Variants in ALPK3 observed in about 807,000 individuals in gnomAD.
ALPK3 encodes the protein alpha kinase 3.
In ALPK3, 102 loss-of-function variants were observed where a neutral mutation model predicts 140.0. The observed-to-expected ratio is 0.73, with a 90% CI of 0.62 to 0.86. The LOEUF is 0.86. Ranked by LOEUF, ALPK3 falls within the 40% of genes least tolerant of loss-of-function variation. The probability of loss-of-function intolerance (pLI) is 0.00; values close to 1 mark genes in which losing one functional copy is unlikely to be tolerated. For synonymous variants in ALPK3, 938 were observed against 898.5 expected, an observed-to-expected ratio of 1.04 and a Z score of -0.79; for missense variants, 2,254 against 2,208.2, an observed-to-expected ratio of 1.02 and a Z score of -0.42.
chr15:84,840,534 T>C lies in ALPK3; in HGVS notation c.1255T>C (p.Tyr419His). Residue 419 changes from tyrosine to histidine, a missense_variant, in exon 5 of 14, where the codon TAC (tyrosine) becomes CAC (histidine). Transcript: ENST00000258888. ...QEVYFSLKDM[Y>H]LENTQAVRPL... Reference sequence around the variant, plus strand: ...AGTGTATTTCTCCTTGAAGGACATGTACCTGGAGAACACCCAGGCAGTCAG... The same window carrying C: ...AGTGTATTTCTCCTTGAAGGACATGCACCTGGAGAACACCCAGGCAGTCAG... 2.5e-6 allele frequency: 4 copies of C among 1,606,096 alleles called. No individual in the cohort carries two copies. The highest frequency in any genetic ancestry group is 3.4e-6 in the Non-Finnish European group (4 of 1,176,938).
chr15:84,827,228 C>T (rs945424527), intron 2 of ALPK3, among the ~76,000 whole-genome samples: 2 of 152,218 alleles, frequency 1.3e-5, no homozygotes, highest in African/African-American at 2.4e-5. Context: ...GACTGGCATG[C>T]TCAGGAGCCT....
At chr15:84,844,194 C>A (rs1234316086) in intron 5 of ALPK3, among the ~76,000 whole-genome samples, 2 of 152,120 alleles carry the variant, frequency 1.3e-5, no homozygotes, top group Non-Finnish European at 2.9e-5. Context: ...CACCACTGCA[C>A]TCCAGCCTGG....
intron 1 of ALPK3, among the ~76,000 whole-genome samples, chr15:84,821,484 G>C (rs767955823): frequency 1.3e-5 from 2 of 152,206 alleles, no homozygotes; most frequent in Admixed American, 1.3e-4. Context: ...TGAAATTTAT[G>C]GTCAGGAAAG....
chr15:84,840,628 C>T lies in ALPK3; in HGVS notation c.1349C>T (p.Ala450Val). 6.4e-7 allele frequency: 1 copy of T among 1,559,916 alleles called. No individual in the cohort carries two copies. Among genetic ancestry groups the T allele is most frequent in the Non-Finnish European group, 8.7e-7 (1 of 1,155,936 alleles). ...RAPGESPKGK[A>V]PLRARSEGVP... ...CCTGGGGAGAGTCCCAAGGGGAAGG[C>T]ACCCCTCAGGGCTAGAAGCGAGGGG... The change falls in exon 5 of 14, where the codon GCA becomes GTA. Residue 450 changes from alanine (A) to valine (V), a missense_variant. This residue lies in a region of ALPK3 where 2,088 missense variants were observed against 2,022.9 expected (regional missense o/e 1.03). Coordinates refer to ENST00000258888, the MANE Select transcript of ALPK3 (RefSeq NM_020778.5).
Position 84,862,834 on chromosome 15 carries a change from C to T in ALPK3, c.4329C>T (p.Ile1443=). ...EPIFESGRTC[I]IKVSSLLVFG... ...TCTTCGAGTCGGGCCGCACGTGCAT[C>T]ATCAAGGTGTCCAGCCTGCTTGTGT... is the stretch of plus-strand genomic sequence containing the variant. Residue 1443 remains isoleucine (I), a synonymous_variant, in exon 10 of 14, where the codon ATC becomes ATT. Transcript: ENST00000258888. The T allele has an allele frequency of 1.2e-6, 2 of 1,614,148 alleles. No homozygotes were observed. Among genetic ancestry groups the T allele is most frequent in the Non-Finnish European group, 1.7e-6 (2 of 1,180,028 alleles).
intron 1 of ALPK3, 84 bp downstream of exon 1, chr15:84,817,679 G>T: frequency 7.4e-7 from 1 of 1,359,866 alleles, no homozygotes; most frequent in East Asian, 3.1e-5. Context: ...GCCCCTGGAG[G>T]CCTGGGCTGG....
chr15:84,867,874 G>A (rs984128718), intron 13 of ALPK3, among the ~76,000 whole-genome samples: 1 of 152,110 alleles, frequency 6.6e-6, no homozygotes, highest in Non-Finnish European at 1.5e-5. Context: ...GAGCCCAGGA[G>A]TTTGAGACCA....
intron 5 of ALPK3, among the ~76,000 whole-genome samples, chr15:84,846,194 A>C (rs946116437): frequency 2.0e-5 from 3 of 152,258 alleles, no homozygotes; most frequent in Non-Finnish European, 4.4e-5. Context: ...AACTAGGTAG[A>C]TTGCCTTCCA....
At chr15:84,859,523 T>C (rs1168181182) in intron 7 of ALPK3, 133 bp downstream of exon 7, 2 of 1,337,568 alleles carry the variant, frequency 1.5e-6, no homozygotes, top group Non-Finnish European at 2.0e-6. Flanking sequence ...TTTATTCCCA[T>C]AGTAGAGATG....
In ALPK3 at chr15:84,864,548, G is replaced by A. The variant is rs1202059784; in HGVS notation, c.4606G>A (p.Gly1536Ser). 1.9e-6 allele frequency: 3 copies of A among 1,614,206 alleles called. No individual in the cohort carries two copies. The highest frequency in any genetic ancestry group is 2.5e-6 in the Non-Finnish European group (3 of 1,180,048). Residue 1536 changes from glycine to serine, a missense_variant, in exon 12 of 14, where the codon GGC becomes AGC. Physicochemically the swap from Gly to Ser is moderately conservative, Grantham distance 56. Coordinates refer to ENST00000258888, the MANE Select transcript of ALPK3 (RefSeq NM_020778.5). The stretch of plus-strand genomic sequence containing the variant: ...GGAGTCTTACTGTTCTCGGGAATGG[G>A]GCTGTGCTGAGGCTCCGACAGCATC... ...PLESYCSREWGCAEAPTASGS... is the reference protein window; with the variant it reads ...PLESYCSREWSCAEAPTASGS...
At chr15:84,836,836 A>C (rs1963602272) in intron 3 of ALPK3, among the ~76,000 whole-genome samples, 1 of 152,142 alleles carries the variant, frequency 6.6e-6, no homozygotes, top group African/African-American at 2.4e-5. Context: ...GTATGGATAG[A>C]GAATGGAAAA....
Position 84,823,311 on chromosome 15 carries a change from A to G in ALPK3, c.144-19A>G. The G allele has an allele frequency of 6.2e-7, 1 of 1,614,010 alleles. No homozygotes were observed. Among genetic ancestry groups the G allele is most frequent in the Non-Finnish European group, 8.5e-7 (1 of 1,179,988 alleles). On this transcript the variant is annotated intron_variant, in intron 1 of 13. Transcript: ENST00000258888. ...CTTGCTTTTTTGGCCTAATGATTCC[A>G]TTTGCTGTTTTTGCTTAGCTTATCA...
In ALPK3 at chr15:84,856,432, C is replaced by A. The variant is rs1200510897; in HGVS notation, c.1694C>A (p.Ala565Asp). 1.9e-6 allele frequency: 3 copies of A among 1,610,222 alleles called. No individual in the cohort carries two copies. Among genetic ancestry groups the A allele is most frequent in the South Asian group, 2.2e-5 (2 of 90,184 alleles). The change falls in exon 6 of 14, where the codon GCC becomes GAC. Residue 565 changes from alanine to aspartate, a missense_variant. By Grantham distance (126) the Ala-to-Asp change is moderately radical. This residue lies in a region of ALPK3 where 2,088 missense variants were observed against 2,022.9 expected (regional missense o/e 1.03). Coordinates refer to ENST00000258888, the MANE Select transcript of ALPK3 (RefSeq NM_020778.5). ...CQTTTAPTMS[A>D]SSSSDVASIG... ...ACAACCACGGCTCCTACCATGTCGG[C>A]CAGCAGCAGCTCTGATGTAGCCTCC...
intron 3 of ALPK3, among the ~76,000 whole-genome samples, chr15:84,838,022 G>A (rs1963614765): frequency 6.6e-6 from 1 of 152,240 alleles, no homozygotes; most frequent in Non-Finnish European, 1.5e-5. Context: ...ACACGTGACA[G>A]TAACAGCTGG....
chr15:84,834,231 G>C (rs555735484), intron 3 of ALPK3, among the ~76,000 whole-genome samples: 18 of 152,302 alleles, frequency 1.2e-4, no homozygotes, highest in Admixed American at 2.6e-4. Context: ...TTTGCCAGCT[G>C]TGTGACCCTG....
chr15:84,867,991 C>T, intron 13 of ALPK3, 120 bp from the exon 14 acceptor site: 3 of 1,012,378 alleles, frequency 3.0e-6, no homozygotes, highest in Non-Finnish European at 4.4e-6. Flanking sequence ...CCATCACCCT[C>T]AGATAAGGTA....
intron 1 of ALPK3, among the ~76,000 whole-genome samples, chr15:84,818,882 C>T (rs558049942): frequency 1.2e-4 from 18 of 152,324 alleles, no homozygotes; most frequent in Admixed American, 5.9e-4. Flanking sequence ...GAAATTTGGA[C>T]ATTTATTCCA....
At chr15:84,848,915 G>T (rs778167979) in intron 5 of ALPK3, among the ~76,000 whole-genome samples, 1 of 152,184 alleles carries the variant, frequency 6.6e-6, no homozygotes, top group Non-Finnish European at 1.5e-5. Flanking sequence ...GACAAGGCAG[G>T]CAGATCACCT....
chr15:84,861,666 T>A (rs1963947219), intron 9 of ALPK3, among the ~76,000 whole-genome samples: 1 of 152,198 alleles, frequency 6.6e-6, no homozygotes, highest in African/African-American at 2.4e-5. Context: ...CATTAGCTGA[T>A]TTTTTTCTGT....
Sources: allele counts gnomAD v4.1 joint callset (sites outside exome capture counted in the v4.1 genomes callset), GRCh38; gene constraint gnomAD v4.1.1; regional missense constraint gnomAD v4.1.1; transcripts MANE v1.5; gene names NCBI Gene and HGNC (gene_info 2026-07-23, HGNC 2026-07-21).